Variants in EP400 observed in about 807,000 individuals in gnomAD.
EP400 encodes E1A binding protein p400.
EP400 carries 105 observed loss-of-function variants against 354.1 expected under a neutral mutation model. The ratio of observed to expected loss-of-function variants is 0.30; its 90% CI spans 0.25 to 0.35. EP400 has a LOEUF of 0.35. Among genes scored for constraint, EP400 ranks in the 10% least tolerant of loss-of-function variants. The pLI is 1.00. For missense variants in EP400, 3,280 were observed against 4,121.0 expected, an observed-to-expected ratio of 0.80 and a Z score of 5.59; for synonymous variants, 1,646 against 1,716.9, an observed-to-expected ratio of 0.96 and a Z score of 1.02.
intron 2 of EP400, among the ~76,000 whole-genome samples, chr12:131,969,103 G>A (rs968679030): frequency 6.6e-6 from 1 of 151,662 alleles, no homozygotes; most frequent in Non-Finnish European, 1.5e-5. Flanking sequence ...CCTGATCTAG[G>A]GGGAAGGCAG....
At chr12:132,016,548 T>C (rs1893941342) in intron 19 of EP400, among the ~76,000 whole-genome samples, 2 of 152,112 alleles carry the variant, frequency 1.3e-5, no homozygotes, top group Admixed American at 1.3e-4. Context: ...TTTTTTGCAT[T>C]TTTAGTAGAG....
intron 16 of EP400, among the ~76,000 whole-genome samples, chr12:132,012,378 G>T (rs138060988): frequency 8.9e-4 from 136 of 152,284 alleles, no homozygotes; most frequent in Admixed American, 2.1e-3. Context: ...CCTGGTTTCC[G>T]CTTCCCAGAT....
In EP400 at chr12:131,961,777, TTTGA is replaced by T; in HGVS notation, c.1163_1166del (p.Ile388AsnfsTer12). The stretch of plus-strand genomic sequence containing the variant: ...CTCTGAAGGAGGTCTTCAAGGAGTA[TTTGA>T]TTGAACTGTTTTTCTTGCAACACTT... On this transcript the variant is annotated frameshift_variant, in exon 2 of 53. Coordinates refer to ENST00000389561, the MANE Select transcript of EP400 (RefSeq NM_015409.5). LOFTEE classifies it high-confidence loss of function. 6.2e-7 allele frequency: 1 copy of T among 1,614,254 alleles called. No individual in the cohort carries two copies. Among genetic ancestry groups the T allele is most frequent in the Non-Finnish European group, 8.5e-7 (1 of 1,180,046 alleles).
chr12:132,021,003 T>C, intron 22 of EP400, 76 bp from the exon 23 acceptor site: 7 of 1,452,206 alleles, frequency 4.8e-6, no homozygotes, highest in Non-Finnish European at 5.4e-6. Flanking sequence ...TTTATTTCTT[T>C]AAAATTCAGT....
chr12:132,021,096 C>A lies in EP400; in HGVS notation c.4465C>A (p.Gln1489Lys). Reference protein sequence around the residue: ...PEAKAAAAPFQTSQASASAPR... With the variant: ...PEAKAAAAPFKTSQASASAPR... ...GATTGCAGCAGCAGCAGCCCCGTTT[C>A]AGACCTCTCAGGCTTCCGCCAGTGC... The change falls in exon 23 of 53, where the codon CAG becomes AAG. Residue 1489 changes from glutamine to lysine, a missense_variant. Coordinates refer to ENST00000389561, the MANE Select transcript of EP400 (RefSeq NM_015409.5). The A allele has an allele frequency of 6.3e-7, 1 of 1,598,906 alleles. No homozygotes were observed. Among genetic ancestry groups the A allele is most frequent in the Non-Finnish European group, 8.5e-7 (1 of 1,179,098 alleles).
intron 43 of EP400, among the ~76,000 whole-genome samples, 176 bp downstream of exon 43, chr12:132,053,773 G>A (rs1895388926): frequency 6.6e-6 from 1 of 152,224 alleles, no homozygotes; most frequent in Non-Finnish European, 1.5e-5. Flanking sequence ...GAGGAATTGT[G>A]TGTTTTCACC....
intron 39 of EP400, among the ~76,000 whole-genome samples, chr12:132,048,905 C>T (rs939468540): frequency 6.6e-6 from 1 of 152,226 alleles, no homozygotes; most frequent in African/African-American, 2.4e-5. Flanking sequence ...TGCACAGAAA[C>T]ATAGAGTAAG....
rs199638402 is a variant in EP400, at chr12:132,055,104, G to A, written c.7780G>A (p.Val2594Met). 40 of 1,613,684 alleles carry A rather than the reference G, an allele frequency of 2.5e-5. No individual in the cohort carries two copies. Among genetic ancestry groups the A allele is most frequent in the East Asian group, 4.5e-5 (2 of 44,864 alleles). The change falls in exon 45 of 53, where the codon GTG becomes ATG. Residue 2594 changes from valine (V) to methionine (M), a missense_variant. Transcript: ENST00000389561. The stretch of plus-strand genomic sequence containing the variant: ...ATGCCCGCCTGTCTCCGCAGGTGCC[G>A]TGAGTGGAAATGTGATCGTGAACAC... ...VTGTSMPTGA[V>M]SGNVIVNTIA...
rs551869938 is a variant in EP400, at chr12:132,067,094, G to A, written c.8749+125G>A. 9.3e-6 allele frequency: 12 copies of A among 1,292,450 alleles called. No homozygotes were observed. The highest frequency in any genetic ancestry group is 2.8e-4 in the Middle Eastern group (1 of 3,634). 80.1% of individuals were successfully genotyped at this position (1,292,450 alleles called of 1,614,324 possible). A position where few individuals can be genotyped will look rare whatever the true frequency, so the allele number is the denominator to read the frequency against. On this transcript the variant is annotated intron_variant, in intron 49 of 52. Coordinates refer to ENST00000389561, the MANE Select transcript of EP400 (RefSeq NM_015409.5). The surrounding 1 kb of genome is among the most constrained non-coding windows in gnomAD (Gnocchi z 5.3). Reference sequence around the variant, plus strand: ...CCCACCCACTTGAGCGTGCCATCACGTGTTCTAGCACAAACGTGCCTTGGC... The same window carrying A: ...CCCACCCACTTGAGCGTGCCATCACATGTTCTAGCACAAACGTGCCTTGGC...
intron 15 of EP400, among the ~76,000 whole-genome samples, chr12:132,009,632 C>T (rs1302863505): frequency 6.6e-6 from 1 of 152,134 alleles, no homozygotes; most frequent in Non-Finnish European, 1.5e-5. Flanking sequence ...CTATCAGGCC[C>T]TGGGAGCTGA....
intron 30 of EP400, among the ~76,000 whole-genome samples, chr12:132,036,220 C>T (rs1397287180): frequency 2.1e-5 from 3 of 146,228 alleles, no homozygotes; most frequent in Non-Finnish European, 3.0e-5. Flanking sequence ...GCCAGGTTCA[C>T]GCGGAACGTC....
rs1892702565 is a variant in EP400 at position 131,982,145 on chromosome 12, T to TCAG, written c.1603_1605dup (p.Gln535dup). 1 of 1,589,244 alleles carries TCAG rather than the reference T, an allele frequency of 6.3e-7. No individual in the cohort carries two copies. Among genetic ancestry groups the TCAG allele is most frequent in the East Asian group, 2.3e-5 (1 of 44,326 alleles). ...CGCAGCTCGCTGGACAGAGGCAGAG[T>TCAG]CAGCAGCAGTATGACCCCTCCACGG... On this transcript the variant is annotated inframe_insertion, in exon 5 of 53. Transcript: ENST00000389561.
chr12:132,025,868 A>T lies in EP400; in HGVS notation c.5014+64A>T. Reference sequence around the variant, plus strand: ...GCTTCTTTCTCTTCCATCTAAGGCGAGTGGAAAGCATTCATGTGTCTTTGA... The same window carrying T: ...GCTTCTTTCTCTTCCATCTAAGGCGTGTGGAAAGCATTCATGTGTCTTTGA... On this transcript the variant is annotated intron_variant, in intron 25 of 52. Coordinates refer to ENST00000389561, the MANE Select transcript of EP400 (RefSeq NM_015409.5). The surrounding 1 kb of genome is among the most constrained non-coding windows in gnomAD (Gnocchi z 4.1). 6.8e-7 allele frequency: 1 copy of T among 1,481,082 alleles called. No homozygotes were observed. The highest frequency in any genetic ancestry group is 1.4e-5 in the South Asian group (1 of 71,646). The allele number at this position is 1,481,082 out of a possible 1,614,324, so 91.7% of individuals were successfully genotyped here. A position where few individuals can be genotyped will look rare whatever the true frequency, so the allele number is the denominator to read the frequency against.
rs138212669 is a variant in EP400 at position 132,047,500 on chromosome 12, C to T, written c.7200+1600C>T. On this transcript the variant is annotated intron_variant, in intron 39 of 52. Coordinates refer to ENST00000389561, the MANE Select transcript of EP400 (RefSeq NM_015409.5). Reference sequence around the variant, plus strand: ...GGAGACATCACATGTCGGCAGGTTCCGTGATGCCCCCTGAGCAGTAAAACC... The same window carrying T: ...GGAGACATCACATGTCGGCAGGTTCTGTGATGCCCCCTGAGCAGTAAAACC... Among the ~76,000 whole-genome samples, 21 of 152,120 alleles carry T rather than the reference C, an allele frequency of 1.4e-4. No homozygotes were observed. In the East Asian group the frequency reaches 3.5e-3, roughly 25 times the overall value.
Position 131,994,799 on chromosome 12 carries a change from G to A in EP400, c.2738-68G>A. 1 of 1,351,458 alleles carries A rather than the reference G, an allele frequency of 7.4e-7. No homozygotes were observed. Among genetic ancestry groups the A allele is most frequent in the South Asian group, 1.2e-5 (1 of 82,544 alleles). 83.7% of individuals were successfully genotyped at this position (1,351,458 alleles called of 1,614,324 possible). On this transcript the variant is annotated intron_variant, in intron 11 of 52. Transcript: ENST00000389561. This position sits in a 1 kb window ranked among gnomAD's most constrained non-coding sequence, Gnocchi z 4.6. ...TGCAAAATAATTTCGAAGCCTTATA[G>A]TGTGTAATGAGTAACAGACACTCAA...
In EP400 at chr12:131,961,057, C is replaced by T. The variant is rs369723653; in HGVS notation, c.438C>T (p.Ala146=). Residue 146 remains alanine, a synonymous_variant, in exon 2 of 53, where the codon GCC becomes GCT. Transcript: ENST00000389561. ...PTQPSPGPGQ[A]LQNVRAGAPG... ...AGCCCAGTCCGGGGCCGGGGCAGGC[C>T]TTGCAGAATGTGCGTGCAGGTGCCC... is the stretch of plus-strand genomic sequence containing the variant. The T allele has an allele frequency of 1.6e-4, 257 of 1,582,744 alleles. 1 individual carries two copies. Among genetic ancestry groups the T allele is most frequent in the Middle Eastern group, 1.8e-4 (1 of 5,550 alleles).
At chr12:131,993,101 G>A (rs921042478) in intron 11 of EP400, among the ~76,000 whole-genome samples, 2 of 152,178 alleles carry the variant, frequency 1.3e-5, no homozygotes, top group African/African-American at 2.4e-5. Context: ...GCACAGCATT[G>A]TGGTGGCATT....
intron 2 of EP400, among the ~76,000 whole-genome samples, chr12:131,966,919 A>C (rs952550466): frequency 2.7e-5 from 4 of 149,364 alleles, no homozygotes; most frequent in African/African-American, 7.4e-5. Flanking sequence ...AAAAAAAAAA[A>C]AAAAAACCTA....
Position 132,027,873 on chromosome 12 carries a change from A to G in EP400, c.5110-144A>G, listed in dbSNP as rs1593357250. On this transcript the variant is annotated intron_variant, in intron 26 of 52. Transcript: ENST00000389561. The surrounding 1 kb of genome is among the most constrained non-coding windows in gnomAD (Gnocchi z 4.9). ...TCCTGTAGCTCTCGGCTTCATTTCT[A>G]TCTCTATTTCCTGTAACACAAGACC... 1.1e-5 allele frequency: 10 copies of G among 890,752 alleles called. No individual in the cohort carries two copies. The highest frequency in any genetic ancestry group is 1.7e-5 in the Non-Finnish European group (10 of 595,354). 55.2% of individuals were successfully genotyped at this position (890,752 alleles called of 1,614,324 possible).
Sources: allele counts gnomAD v4.1 joint callset (sites outside exome capture counted in the v4.1 genomes callset), GRCh38; gene constraint gnomAD v4.1.1; non-coding constraint Gnocchi (gnomAD v3.1); transcripts MANE v1.5; gene names NCBI Gene and HGNC (gene_info 2026-07-23, HGNC 2026-07-21).